Variants in M6PR observed in about 807,000 individuals in gnomAD.
The protein encoded by M6PR is cation-dependent mannose-6-phosphate receptor.
Under a neutral mutation model 33.1 loss-of-function variants are expected in M6PR, and 19 were observed. That is an observed-to-expected ratio of 0.57 (90% confidence interval 0.40 to 0.84). The LOEUF is 0.84. Ranked by LOEUF, M6PR falls within the 40% of genes least tolerant of loss-of-function variation. The pLI is 0.00. For synonymous variants in M6PR, 111 were observed against 123.4 expected, an observed-to-expected ratio of 0.90 and a Z score of 0.67; for missense variants, 295 against 336.0, an observed-to-expected ratio of 0.88 and a Z score of 0.95.
chr12:8,942,256 A>G, intron 6 of M6PR, 160 bp downstream of exon 6: 2 of 916,842 alleles, frequency 2.2e-6, no homozygotes, highest in Non-Finnish European at 3.3e-6. Context: ...GCCACTTACT[A>G]CTCTGTACTA....
intron 1 of M6PR, among the ~76,000 whole-genome samples, chr12:8,947,121 A>G (rs1946105245): frequency 6.6e-6 from 1 of 152,156 alleles, no homozygotes; most frequent in Non-Finnish European, 1.5e-5. Flanking sequence ...TGTTTATTCC[A>G]AGAGTATCAC....
intron 3 of M6PR, among the ~76,000 whole-genome samples, chr12:8,944,888 C>T (rs750416485): frequency 2.2e-4 from 33 of 152,050 alleles, no homozygotes; most frequent in Non-Finnish European, 3.8e-4. Context: ...TGGCTGGGCG[C>T]GGTGGTTCAT....
intron 5 of M6PR, 64 bp downstream of exon 5, chr12:8,943,341 A>G (rs908177830): frequency 1.3e-6 from 2 of 1,589,866 alleles, no homozygotes; most frequent in Non-Finnish European, 8.6e-7. Flanking sequence ...GTACCACCAT[A>G]TAGTTACTGA....
At chr12:8,943,585 C>T (rs766304902) in intron 4 of M6PR, 50 bp from the exon 5 acceptor site, 1 of 1,611,056 alleles carries the variant, frequency 6.2e-7, no homozygotes, top group African/African-American at 1.3e-5. Context: ...GTTTTGACTC[C>T]TGTCCAACAA....
intron 6 of M6PR, chr12:8,942,147 C>A (rs1946021803): frequency 1.5e-6 from 1 of 687,192 alleles, no homozygotes; most frequent in Non-Finnish European, 2.4e-6. Context: ...TCTTCCCACC[C>A]AGGCCCTCTT....
At chr12:8,945,805 T>C (rs2137169861) in intron 2 of M6PR, among the ~76,000 whole-genome samples, 1 of 152,348 alleles carries the variant, frequency 6.6e-6, no homozygotes, top group East Asian at 1.9e-4. Context: ...TTGAGCTATC[T>C]TGATAGCTCA....
intron 1 of M6PR, 163 bp from the exon 2 acceptor site, chr12:8,946,568 C>G (rs891211123): frequency 3.7e-6 from 2 of 535,686 alleles, no homozygotes; most frequent in Admixed American, 6.8e-5. Context: ...ATCTCTGTAA[C>G]AAGAGCATCT....
chr12:8,943,520 C>T lies in M6PR; in HGVS notation c.469G>A (p.Val157Met), dbSNP rs747603655. 6.2e-7 allele frequency: 1 copy of T among 1,614,202 alleles called. No individual in the cohort carries two copies. The highest frequency in any genetic ancestry group is 1.7e-5 in the Admixed American group (1 of 60,028). ...RHTLADNFNP[V>M]SEERGKVQDC... ...TGGACTTTGCCACGCTCCTCAGACA[C>T]AGGGTTAAAATTGTCCTGATGATGA... Residue 157 changes from valine to methionine, a missense_variant, in exon 5 of 7, where the codon GTG becomes ATG. Coordinates refer to ENST00000000412, the MANE Select transcript of M6PR (RefSeq NM_002355.4).
intron 1 of M6PR, among the ~76,000 whole-genome samples, chr12:8,947,029 T>C (rs1310864925): frequency 6.6e-6 from 1 of 152,206 alleles, no homozygotes; most frequent in Non-Finnish European, 1.5e-5. Context: ...CTTATCCATC[T>C]TCATACCCAG....
At chr12:8,942,330 A>AC in intron 6 of M6PR, 86 bp downstream of exon 6, 1 of 1,582,682 alleles carries the variant, frequency 6.3e-7, no homozygotes, top group Non-Finnish European at 8.7e-7. Context: ...TGTCCCAGGA[A>AC]CCCCCTCAGT....
rs1565530333 is a variant in M6PR, at chr12:8,945,408, GT to G, written c.343+9del. ...TAGTCAATCGATGGTAGGAAGGGGA[GT>G]TTTCTTACTTCCGTTGAAGATGTGA... On this transcript the variant is annotated intron_variant, in intron 3 of 6. Coordinates refer to ENST00000000412, the MANE Select transcript of M6PR (RefSeq NM_002355.4). The G allele has an allele frequency of 3.7e-6, 6 of 1,613,688 alleles. No homozygotes were observed. The highest frequency in any genetic ancestry group is 8.5e-7 in the Non-Finnish European group (1 of 1,179,828).
chr12:8,941,848 T>A lies in M6PR; in HGVS notation c.804A>T (p.Glu268Asp). ...VGDDQLGEES[E>D]ERDDHLLPM The stretch of plus-strand genomic sequence containing the variant: ...TTGGTAATAAATGGTCATCCCTTTC[T>A]TCTGACTCCTCCCCCAGCTGGTCAT... Residue 268 changes from glutamate to aspartate, a missense_variant, in exon 7 of 7, where the codon GAA (glutamate) becomes GAT (aspartate). Glu to Asp is a conservative substitution (Grantham distance 45). Transcript: ENST00000000412. 6.2e-7 allele frequency: 1 copy of A among 1,614,162 alleles called. No individual in the cohort carries two copies. The highest frequency in any genetic ancestry group is 1.1e-5 in the South Asian group (1 of 91,084).
intron 3 of M6PR, among the ~76,000 whole-genome samples, chr12:8,944,259 C>T (rs1294522063): frequency 2.0e-5 from 3 of 152,178 alleles, no homozygotes; most frequent in African/African-American, 7.2e-5. Context: ...AATTGCTGAG[C>T]AGCAGGGGTA....
At position 8,945,587 on chromosome 12, in the gene M6PR, G is replaced by A. The variant is rs766703902; in HGVS notation, c.177-3C>T. On this transcript the variant is annotated splice_region_variant and splice_polypyrimidine_tract_variant and intron_variant, in intron 2 of 6. Transcript: ENST00000000412. Reference sequence around the variant, plus strand: ...CCTGGCCCACAGTGCTCTCAAAGCTGTAAAGAGAAGTGGGAAGAAAGAAGA... The same window carrying A: ...CCTGGCCCACAGTGCTCTCAAAGCTATAAAGAGAAGTGGGAAGAAAGAAGA... 1.2e-6 allele frequency: 2 copies of A among 1,612,918 alleles called. No homozygotes were observed. Among genetic ancestry groups the A allele is most frequent in the Admixed American group, 1.7e-5 (1 of 59,902 alleles).
At chr12:8,943,935 G>A in intron 3 of M6PR, 25 bp from the exon 4 acceptor site, 1 of 1,496,336 alleles carries the variant, frequency 6.7e-7, no homozygotes. Context: ...GGAAAATGGA[G>A]CTATGGGGTG....
At chr12:8,942,333 C>T (rs1375519581) in intron 6 of M6PR, 83 bp downstream of exon 6, 5 of 1,590,492 alleles carry the variant, frequency 3.1e-6, no homozygotes, top group African/African-American at 1.3e-5. Flanking sequence ...CCCAGGAACC[C>T]CCTCAGTGTG....
intron 6 of M6PR, 65 bp downstream of exon 6, chr12:8,942,351 G>A (rs751077283): frequency 6.2e-6 from 10 of 1,610,516 alleles, no homozygotes; most frequent in African/African-American, 1.3e-5. Flanking sequence ...GTGAACAAAC[G>A]AGGATGGTTG....
At chr12:8,945,951 CAT>C (rs1353725574) in intron 2 of M6PR, among the ~76,000 whole-genome samples, 1 of 152,190 alleles carries the variant, frequency 6.6e-6, no homozygotes, top group African/African-American at 2.4e-5. Context: ...CTTATAATGA[CAT>C]GTGTCGGCCT....
At position 8,940,586 on chromosome 12, in the gene M6PR, G is replaced by A. The variant is rs1270670414; in HGVS notation, c.*1232C>T. 1.3e-5 allele frequency: 1 copy of A among 79,164 alleles called. No homozygotes were observed. The allele number at this position is 79,164 out of a possible 1,614,324, so 4.9% of individuals were successfully genotyped here. A position where few individuals can be genotyped will look rare whatever the true frequency, so the allele number is the denominator to read the frequency against. On this transcript the variant is annotated 3_prime_UTR_variant, in exon 7 of 7. Transcript: ENST00000000412. ...TTTTCTTTTCCTAAGGCTTATAAAAGGCCCCCTGCCTGTTGATTCCATCCC... is the reference window on the plus strand; with the variant it reads ...TTTTCTTTTCCTAAGGCTTATAAAAAGCCCCCTGCCTGTTGATTCCATCCC...
Sources: allele counts gnomAD v4.1 joint callset (sites outside exome capture counted in the v4.1 genomes callset), GRCh38; gene constraint gnomAD v4.1.1; transcripts MANE v1.5; gene names NCBI Gene and HGNC (gene_info 2026-07-23, HGNC 2026-07-21).